BLMH: variants seen among roughly 807,000 people sequenced by gnomAD.
BLMH encodes the protein BLM hydrolase.
In BLMH, 32 loss-of-function variants were observed where a neutral mutation model predicts 61.6. The ratio of observed to expected loss-of-function variants is 0.52; its 90% CI spans 0.39 to 0.70. BLMH has a LOEUF of 0.70. Ranked by LOEUF, BLMH falls within the 30% of genes least tolerant of loss-of-function variation. The pLI, the probability that BLMH is intolerant of heterozygous loss-of-function variation, is 0.00. For missense variants in BLMH, 460 were observed against 555.5 expected, an observed-to-expected ratio of 0.83 and a Z score of 1.73; for synonymous variants, 183 against 193.8, an observed-to-expected ratio of 0.94 and a Z score of 0.46.
In BLMH at chr17:30,268,334, C is replaced by T. The variant is rs550163233; in HGVS notation, c.1147-1380G>A. 1.3e-4 allele frequency among the ~76,000 whole-genome samples: 19 copies of T among 151,216 alleles called. 1 individual carries two copies. Among genetic ancestry groups the T allele is most frequent in the African/African-American group, 4.7e-4 (19 of 40,572 alleles). On this transcript the variant is annotated intron_variant, in intron 10 of 11. Coordinates refer to ENST00000261714, the MANE Select transcript of BLMH (RefSeq NM_000386.4). ...TACAAAATGATTAATACCTGGAACT[C>T]CCTTATAGGGATTCCATGATATCAG...
At chr17:30,269,461 G>T (rs1225113366) in intron 10 of BLMH, among the ~76,000 whole-genome samples, 2 of 152,104 alleles carry the variant, frequency 1.3e-5, no homozygotes, top group African/African-American at 4.8e-5. Flanking sequence ...GATTTCAGGT[G>T]TGAGTCACTG....
intron 10 of BLMH, among the ~76,000 whole-genome samples, chr17:30,268,882 CAAAAAAAA>C: frequency 1.9e-5 from 1 of 51,508 alleles, no homozygotes; most frequent in African/African-American, 6.3e-5. Flanking sequence ...ACTAAAAATA[CAAAAAAAA>C]AAAAAAAAAA....
chr17:30,257,511 A>G (rs569339925), intron 11 of BLMH, among the ~76,000 whole-genome samples: 1 of 152,362 alleles, frequency 6.6e-6, no homozygotes, highest in East Asian at 1.9e-4. Flanking sequence ...AGGCAGGGGA[A>G]TGAAGAGTGA....
At chr17:30,275,509 GAAAAC>G (rs1012588857) in intron 6 of BLMH, among the ~76,000 whole-genome samples, 2 of 151,502 alleles carry the variant, frequency 1.3e-5, no homozygotes, top group East Asian at 1.9e-4. Context: ...AGATACAAAA[GAAAAC>G]AAAACAAAAC....
intron 6 of BLMH, among the ~76,000 whole-genome samples, chr17:30,280,084 T>G (rs760197336): frequency 1.2e-4 from 19 of 152,196 alleles, no homozygotes; most frequent in Non-Finnish European, 2.4e-4. Context: ...CAACAGTTTT[T>G]AAGGCAGCTA....
Position 30,248,679 on chromosome 17 carries a change from C to T in BLMH, c.*338G>A, listed in dbSNP as rs563396961. 1.2e-4 allele frequency: 30 copies of T among 244,412 alleles called. No individual in the cohort carries two copies. Among genetic ancestry groups the T allele is most frequent in the Middle Eastern group, 1.4e-3 (1 of 696 alleles). The allele number at this position is 244,412 out of a possible 1,614,324, so 15.1% of individuals were successfully genotyped here. On this transcript the variant is annotated 3_prime_UTR_variant, in exon 12 of 12. Transcript: ENST00000261714. ...TTTCTCTCCATACACCTCAATCGCT[C>T]GTCCTCTCGTCTTATTAAAACACAG...
chr17:30,263,379 G>A (rs2143020770), intron 11 of BLMH, among the ~76,000 whole-genome samples: 1 of 152,280 alleles, frequency 6.6e-6, no homozygotes, highest in South Asian at 2.1e-4. Context: ...TTTTCAAAAT[G>A]AAAGATAATA....
At chr17:30,249,249 T>G in intron 11 of BLMH, 81 bp from the exon 12 acceptor site, 1 of 1,404,586 alleles carries the variant, frequency 7.1e-7, no homozygotes, top group South Asian at 1.3e-5. Context: ...ATAAACCTTT[T>G]ACAAAACTAA....
intron 11 of BLMH, among the ~76,000 whole-genome samples, chr17:30,257,649 T>A (rs1294823266): frequency 6.6e-6 from 1 of 152,178 alleles, no homozygotes; most frequent in Non-Finnish European, 1.5e-5. Flanking sequence ...ACATATATAC[T>A]CCAAAACCCT....
intron 11 of BLMH, chr17:30,252,052 A>G (rs1907682678): frequency 1.3e-5 from 2 of 152,186 alleles, no homozygotes; most frequent in Admixed American, 6.5e-5. Context: ...CTGTATCTGC[A>G]TCTGTGTTTA....
At chr17:30,278,109 T>TAA (rs923485428) in intron 6 of BLMH, among the ~76,000 whole-genome samples, 2 of 150,348 alleles carry the variant, frequency 1.3e-5, no homozygotes, top group African/African-American at 4.9e-5. Context: ...AAGCTCTCAT[T>TAA]AAAAAAAAAT....
At chr17:30,275,251 T>C (rs894161856) in intron 6 of BLMH, among the ~76,000 whole-genome samples, 3 of 152,066 alleles carry the variant, frequency 2.0e-5, no homozygotes, top group African/African-American at 7.2e-5. Context: ...CTTTTAGTAA[T>C]AAGGTATAAT....
intron 3 of BLMH, among the ~76,000 whole-genome samples, chr17:30,288,415 T>C (rs1441913571): frequency 6.6e-6 from 1 of 152,190 alleles, no homozygotes; most frequent in Non-Finnish European, 1.5e-5. Context: ...TGGAGTGCAG[T>C]GGTGCAATCT....
intron 10 of BLMH, 96 bp from the exon 11 acceptor site, chr17:30,267,050 ACAGCCTGCTCTATACAGG>A (rs140724054): frequency 0.035 from 39,266 of 1,117,756 alleles, 1,417 homozygotes; most frequent in Middle Eastern, 0.048. Flanking sequence ...CTTGAAAGAA[ACAGCCTGCTCTATACAGG>A]CAGCCTGCTC....
chr17:30,286,809 T>C lies in BLMH; in HGVS notation c.552+5A>G, dbSNP rs757335764. The C allele has an allele frequency of 6.4e-7, 1 of 1,569,272 alleles. No individual in the cohort carries two copies. The highest frequency in any genetic ancestry group is 8.8e-7 in the Non-Finnish European group (1 of 1,140,652). On this transcript the variant is annotated splice_donor_5th_base_variant and intron_variant, in intron 5 of 11. Transcript: ENST00000261714. ...CTCAATCCCACCCTGCTTCATATAT[T>C]GTACCTTGTGATTCAGAATATCATT...
chr17:30,277,295 G>A (rs901988460), intron 6 of BLMH, among the ~76,000 whole-genome samples: 1 of 152,190 alleles, frequency 6.6e-6, no homozygotes, highest in East Asian at 1.9e-4. Context: ...TCTAGCCAAG[G>A]ATTAATGAGC....
chr17:30,269,315 G>C (rs1380507473), intron 10 of BLMH, among the ~76,000 whole-genome samples: 2 of 150,914 alleles, frequency 1.3e-5, no homozygotes, highest in South Asian at 2.1e-4. Context: ...GTAGCTGCTG[G>C]AATTACAGGT....
Position 30,274,136 on chromosome 17 carries a change from C to T in BLMH, c.707G>A (p.Arg236Gln), listed in dbSNP as rs373400008. The stretch of plus-strand genomic sequence containing the variant: ...TTTCTGATAATTTTTATCTTTGTCT[C>T]GATATTCCCAGGTGAATGTCTCTGG... ...NPPETFTWEY[R>Q]DKDKNYQKIG... The change falls in exon 7 of 12, where the codon CGA (arginine) becomes CAA (glutamine). Residue 236 changes from arginine to glutamine, a missense_variant. Arg to Gln is a conservative substitution (Grantham distance 43). This residue lies in a region of BLMH where 310 missense variants were observed against 371.1 expected (regional missense o/e 0.84). Transcript: ENST00000261714. 9 of 1,613,996 alleles carry T rather than the reference C, an allele frequency of 5.6e-6. No homozygotes were observed. The highest frequency in any genetic ancestry group is 1.1e-5 in the South Asian group (1 of 91,072).
At chr17:30,280,430 A>C (rs1306662133) in intron 6 of BLMH, among the ~76,000 whole-genome samples, 2 of 152,110 alleles carry the variant, frequency 1.3e-5, no homozygotes, top group African/African-American at 4.8e-5. Flanking sequence ...AATATTAGTT[A>C]CTTCTACTGT....
Sources: gnomAD v4.1 joint callset for allele counts (sites outside exome capture counted in the v4.1 genomes callset) on GRCh38, gnomAD v4.1.1 for gene constraint, gnomAD v4.1.1 regional missense constraint, MANE v1.5 for transcripts, NCBI Gene and HGNC (gene_info 2026-07-23, HGNC 2026-07-21) for gene names.